Variants in CLPTM1L observed in about 807,000 individuals in gnomAD.
CLPTM1L encodes CLPTM1 like, also known as lipid scramblase CLPTM1L.
A neutral mutation model predicts 70.9 loss-of-function variants in CLPTM1L; 38 were observed. The ratio of observed to expected loss-of-function variants is 0.54; its 90% confidence interval spans 0.41 to 0.70. The LOEUF is 0.70. Among genes scored for constraint, CLPTM1L ranks in the 30% least tolerant of loss-of-function variants. The pLI is 0.00. For synonymous variants in CLPTM1L, 339 were observed against 299.9 expected, an observed-to-expected ratio of 1.13 and a Z score of -1.35; for missense variants, 652 against 705.9, an observed-to-expected ratio of 0.92 and a Z score of 0.87.
chr5:1,330,196 C>T, intron 9 of CLPTM1L, 84 bp downstream of exon 9: 1 of 1,123,964 alleles, frequency 8.9e-7, no homozygotes, highest in African/African-American at 1.5e-5. Flanking sequence ...CACAGAAGGT[C>T]TCAGGTCCCG....
chr5:1,323,765 G>A (rs1274308125), intron 12 of CLPTM1L, 22 bp downstream of exon 12: 4 of 1,591,178 alleles, frequency 2.5e-6, no homozygotes, highest in East Asian at 2.2e-5. Context: ...ACGCAGCAGG[G>A]GAAGCGTGTG....
Position 1,325,688 on chromosome 5 carries a change from A to AAG in CLPTM1L, c.1146+62_1146+63insCT. 3 of 1,423,834 alleles carry AAG rather than the reference A, an allele frequency of 2.1e-6. No individual in the cohort carries two copies. In the African/African-American group the frequency reaches 4.2e-5, roughly 20 times the overall value. 88.2% of individuals were successfully genotyped at this position (1,423,834 alleles called of 1,614,324 possible). ...TGCAGATGGCCATCTTACTCTTTGC[A>AAG]CAGGGGGCAAAATCACACTCTTCAG... On this transcript the variant is annotated intron_variant, in intron 10 of 16. Coordinates refer to ENST00000320895, the MANE Select transcript of CLPTM1L (RefSeq NM_030782.5).
chr5:1,322,959 A>G (rs1465502714), intron 12 of CLPTM1L, 48 bp from the exon 13 acceptor site: 2 of 1,524,132 alleles, frequency 1.3e-6, no homozygotes, highest in Admixed American at 1.7e-5. Context: ...ATAGCTTAAT[A>G]TCTGTATTAA....
intron 6 of CLPTM1L, 81 bp from the exon 7 acceptor site, chr5:1,334,464 A>C: frequency 9.4e-7 from 1 of 1,063,162 alleles, no homozygotes; most frequent in East Asian, 2.5e-5. Context: ...TTTCAATATA[A>C]AAATTTAGGC....
At chr5:1,339,252 G>A (rs1753789923) in intron 3 of CLPTM1L, among the ~76,000 whole-genome samples, 1 of 145,108 alleles carries the variant, frequency 6.9e-6, no homozygotes, top group Non-Finnish European at 1.5e-5. Context: ...CTGTGCCCGG[G>A]ACAGCAGGGT....
intron 3 of CLPTM1L, among the ~76,000 whole-genome samples, chr5:1,339,427 G>A (rs1206679553): frequency 1.6e-5 from 2 of 123,072 alleles, no homozygotes; most frequent in African/African-American, 3.2e-5. Context: ...CCACACAGAC[G>A]GGCAAACTGT....
In CLPTM1L at chr5:1,327,755, C is replaced by T. The variant is rs71595025; in HGVS notation, c.1081-1939G>A. ...GCTCCTCCTCTACAGGGACATTCCA[C>T]CCAGCTCCTCCTCTACAGGGACATT... On this transcript the variant is annotated intron_variant, in intron 9 of 16. Coordinates refer to ENST00000320895, the MANE Select transcript of CLPTM1L (RefSeq NM_030782.5). Among the ~76,000 whole-genome samples, 420 of 104,488 alleles carry T rather than the reference C, an allele frequency of 4.0e-3. 2 individuals are homozygous for T. The highest frequency in any genetic ancestry group is 0.013 in the Middle Eastern group (2 of 150). 68.5% of individuals were successfully genotyped at this position (104,488 alleles called of 152,430 possible).
Position 1,325,892 on chromosome 5 carries a change from A to T in CLPTM1L, c.1081-76T>A, listed in dbSNP as rs1752502761. On this transcript the variant is annotated intron_variant, in intron 9 of 16. Coordinates refer to ENST00000320895, the MANE Select transcript of CLPTM1L (RefSeq NM_030782.5). ...CCACGAATGAACGACCCAGACAGTA[A>T]CGGGTAGGACCTGCTGCCCATGGCC... is the stretch of plus-strand genomic sequence containing the variant. 64 of 1,277,710 alleles carry T rather than the reference A, an allele frequency of 5.0e-5. No individual in the cohort carries two copies. The South Asian group carries it at 7.8e-4, about 16-fold the overall frequency. The allele number at this position is 1,277,710 out of a possible 1,614,324, so 79.1% of individuals were successfully genotyped here.
intron 7 of CLPTM1L, among the ~76,000 whole-genome samples, chr5:1,332,731 C>T (rs1041886141): frequency 3.9e-5 from 6 of 152,246 alleles, no homozygotes; most frequent in Admixed American, 3.3e-4. Context: ...ATCACACTGT[C>T]CTGTCCTGTT....
rs1361018158 is a variant in CLPTM1L, at chr5:1,341,806, G to C, written c.318C>G (p.Ala106=). The C allele has an allele frequency of 8.1e-6, 13 of 1,614,072 alleles. No homozygotes were observed. Among genetic ancestry groups the C allele is most frequent in the Non-Finnish European group, 1.1e-5 (13 of 1,179,976 alleles). ...KKTRNNGTLY[A]YIFLHHAGVL... ...CCCCAGCGTGATGGAGGAAGATGTA[G>C]GCATACAGCGTCCCATTGTTTCTCG... The change falls in exon 3 of 17, where the codon GCC becomes GCG. Residue 106 remains alanine (A), a synonymous_variant. Transcript: ENST00000320895.
intron 16 of CLPTM1L, 56 bp downstream of exon 16, chr5:1,320,560 G>A (rs1253550040): frequency 3.1e-6 from 3 of 956,344 alleles, no homozygotes; most frequent in African/African-American, 1.7e-5. Flanking sequence ...ATTCCGTTCA[G>A]CAGCAGCCAC....
intron 4 of CLPTM1L, chr5:1,338,417 G>GA (rs1168675016): frequency 3.7e-5 from 10 of 267,330 alleles, no homozygotes; most frequent in Non-Finnish European, 6.4e-5. Context: ...TTGGGGGGGG[G>GA]ATCCCCAACA....
At chr5:1,326,650 TCATCCAGCTCCTCCTCTACGGGGACATTC>T (rs1752576943) in intron 9 of CLPTM1L, among the ~76,000 whole-genome samples, 3 of 144,950 alleles carry the variant, frequency 2.1e-5, no homozygotes, top group African/African-American at 5.0e-5. Flanking sequence ...CAGACACATT[TCATCCAGCTCCTCCTCTACGGGGACATTC>T]CATCCAGCTC....
At chr5:1,322,965 A>G in intron 12 of CLPTM1L, 54 bp from the exon 13 acceptor site, 1 of 1,491,472 alleles carries the variant, frequency 6.7e-7, no homozygotes, top group Non-Finnish European at 9.3e-7. Flanking sequence ...TAATATCTGT[A>G]TTAAATTGAT....
Position 1,334,373 on chromosome 5 carries a change from C to G in CLPTM1L, c.807G>C (p.Glu269Asp). Reference protein sequence around the residue: ...VYSLQQFGFSEKDADEVKGIF... With the variant: ...VYSLQQFGFSDKDADEVKGIF... ...TTCCTTTCACCTCATCAGCATCTTT[C>G]TCTGAAAACCCTGTCAAGGAAAAAA... Residue 269 changes from glutamate to aspartate, a missense_variant, in exon 7 of 17, where the codon GAG becomes GAC. Around this residue, in one of 3 missense-constraint regions of CLPTM1L, gnomAD observed 402 missense variants for 388.2 expected, o/e 1.04. Coordinates refer to ENST00000320895, the MANE Select transcript of CLPTM1L (RefSeq NM_030782.5). 1.3e-6 allele frequency: 2 copies of G among 1,593,880 alleles called. No individual in the cohort carries two copies. Among genetic ancestry groups the G allele is most frequent in the Non-Finnish European group, 1.7e-6 (2 of 1,169,812 alleles).
chr5:1,338,730 G>A, intron 4 of CLPTM1L, 130 bp downstream of exon 4: 3 of 1,018,138 alleles, frequency 2.9e-6, no homozygotes, highest in Non-Finnish European at 4.4e-6. Flanking sequence ...GAAAGAGCTG[G>A]GAGGCCCGGG....
At chr5:1,331,021 G>A (rs1030152972) in intron 8 of CLPTM1L, 1 of 152,742 alleles carries the variant, frequency 6.5e-6, no homozygotes, top group Non-Finnish European at 1.5e-5. Flanking sequence ...AAAACAACTT[G>A]TTCGGGTCTG....
Position 1,318,558 on chromosome 5 carries a change from T to A in CLPTM1L, c.1533-105A>T. The A allele has an allele frequency of 1.1e-6, 1 of 892,630 alleles. No homozygotes were observed. Among genetic ancestry groups the A allele is most frequent in the Non-Finnish European group, 1.8e-6 (1 of 559,050 alleles). 55.3% of individuals were successfully genotyped at this position (892,630 alleles called of 1,614,324 possible). On this transcript the variant is annotated intron_variant, in intron 16 of 16. Coordinates refer to ENST00000320895, the MANE Select transcript of CLPTM1L (RefSeq NM_030782.5). The surrounding 1 kb of genome is among the most constrained non-coding windows in gnomAD (Gnocchi z 8.9). Reference sequence around the variant, plus strand: ...TTTATTTTCCAGTGAGCTGCCACAGTGAGCAAATTAACTAAAAAGTCGAAT... The same window carrying A: ...TTTATTTTCCAGTGAGCTGCCACAGAGAGCAAATTAACTAAAAAGTCGAAT...
Position 1,318,352 on chromosome 5 carries a change from G to A in CLPTM1L, c.*17C>T, listed in dbSNP as rs373934171. 6.2e-5 allele frequency: 99 copies of A among 1,607,532 alleles called. No homozygotes were observed. The highest frequency in any genetic ancestry group is 2.2e-4 in the South Asian group (20 of 90,742). The stretch of plus-strand genomic sequence containing the variant: ...ACAATTCAAGTTGCACTTGGCTGGC[G>A]GCAGCCCGGGCGGCCTTCAGTCCGT... On this transcript the variant is annotated 3_prime_UTR_variant, in exon 17 of 17. Coordinates refer to ENST00000320895, the MANE Select transcript of CLPTM1L (RefSeq NM_030782.5). This position sits in a 1 kb window ranked among gnomAD's most constrained non-coding sequence, Gnocchi z 8.9.
Sources: gnomAD v4.1 joint callset for allele counts (sites outside exome capture counted in the v4.1 genomes callset) on GRCh38, gnomAD v4.1.1 for gene constraint, gnomAD v4.1.1 regional missense constraint, Gnocchi (gnomAD v3.1) non-coding constraint, MANE v1.5 for transcripts, NCBI Gene and HGNC (gene_info 2026-07-23, HGNC 2026-07-21) for gene names.